TFF1: variants seen among roughly 807,000 people sequenced by gnomAD.
TFF1 encodes the protein breast cancer estrogen-inducible protein.
A neutral mutation model predicts 7.7 loss-of-function variants in TFF1; 8 were observed. That is an observed-to-expected ratio of 1.04 (90% CI 0.61 to 1.87). The LOEUF is 1.87. TFF1 is among the 40% of genes most tolerant of loss of function. The pLI is 0.00. For synonymous variants in TFF1, 47 were observed against 44.8 expected (o/e 1.05, Z -0.19); for missense variants, 120 against 113.4 (o/e 1.06, Z -0.26).
intron 2 of TFF1, 133 bp downstream of exon 2, chr21:42,363,122 A>C (rs550608379): frequency 8.5e-7 from 1 of 1,182,714 alleles, no homozygotes; most frequent in Admixed American, 2.2e-5. Context: ...AGGCTACCCC[A>C]TTGCACCACC....
intron 2 of TFF1, among the ~76,000 whole-genome samples, chr21:42,362,881 A>G (rs2052249348): frequency 6.7e-6 from 1 of 149,240 alleles, no homozygotes; most frequent in Non-Finnish European, 1.5e-5. Context: ...CTCAGGGGCA[A>G]CGGAGCGAGA....
Position 42,362,404 on chromosome 21 carries a change from A to C in TFF1, c.*75T>G. ...GTCTGAGGTGTCCGGTGGAGGTGGC[A>C]GCCGAGCTCTGGGACTAATCACCGT... On this transcript the variant is annotated 3_prime_UTR_variant, in exon 3 of 3. Transcript: ENST00000291527. 6.5e-7 allele frequency: 1 copy of C among 1,527,258 alleles called. No individual in the cohort carries two copies. The highest frequency in any genetic ancestry group is 2.5e-5 in the East Asian group (1 of 40,760). 94.6% of individuals were successfully genotyped at this position (1,527,258 alleles called of 1,614,324 possible).
At position 42,364,106 on chromosome 21, in the gene TFF1, C is replaced by CAAA. The variant is rs34872461; in HGVS notation, c.86-702_86-700dup. On this transcript the variant is annotated intron_variant, in intron 1 of 2. Transcript: ENST00000291527. ...TGAGTGACAGAGCAAGACTCCATCT[C>CAAA]AAAAAAAAAAAAAAAAGAGTCTAAG... Among the ~76,000 whole-genome samples the CAAA allele has an allele frequency of 8.2e-3, 920 of 112,784 alleles. 10 individuals are homozygous for CAAA. The highest frequency in any genetic ancestry group is 0.029 in the African/African-American group (880 of 30,780). 74.0% of individuals were successfully genotyped at this position (112,784 alleles called of 152,430 possible).
rs1192324357 is a variant in TFF1 at position 42,366,459 on chromosome 21, C to T, written c.37G>A (p.Val13Ile). 2 of 1,612,890 alleles carry T rather than the reference C, an allele frequency of 1.2e-6. No individual in the cohort carries two copies. The highest frequency in any genetic ancestry group is 1.7e-5 in the Admixed American group (1 of 59,996). Reference sequence around the variant, plus strand: ...CCGAGGGCCAGCATGGACACCAGGACCAGGGCGCAGATCACCTTGTTCTCC... The same window carrying T: ...CCGAGGGCCAGCATGGACACCAGGATCAGGGCGCAGATCACCTTGTTCTCC... ...TMENKVICAL[V>I]LVSMLALGTL... The change falls in exon 1 of 3, where the codon GTC becomes ATC. Residue 13 changes from valine to isoleucine, a missense_variant. Coordinates refer to ENST00000291527, the MANE Select transcript of TFF1 (RefSeq NM_003225.3).
At position 42,363,361 on chromosome 21, in the gene TFF1, A is replaced by G. The variant is rs2052255253; in HGVS notation, c.132T>C (p.Pro44=). 6.2e-7 allele frequency: 1 copy of G among 1,614,210 alleles called. No individual in the cohort carries two copies. Among genetic ancestry groups the G allele is most frequent in the East Asian group, 2.2e-5 (1 of 44,890 alleles). Residue 44 remains proline (P), a synonymous_variant, in exon 2 of 3, where the codon CCT becomes CCC. Coordinates refer to ENST00000291527, the MANE Select transcript of TFF1 (RefSeq NM_003225.3). ...TTGCACACTGGGAGGGCGTGACACC[A>G]GGAAAACCACAATTCTGTCTTTCAC... ...APRERQNCGF[P]GVTPSQCANK...
At chr21:42,366,299 C>T (rs2052278613) in intron 1 of TFF1, 112 bp downstream of exon 1, 3 of 753,796 alleles carry the variant, frequency 4.0e-6, no homozygotes, top group Non-Finnish European at 2.1e-6. Flanking sequence ...GGGCCTAGAA[C>T]AGCACCTGGC....
At position 42,364,308 on chromosome 21, in the gene TFF1, A is replaced by G. The variant is rs547685848; in HGVS notation, c.86-901T>C. ...GTTCACCAGGTGAAGATGGAGCCGC[A>G]TGGGCAAAGGCCATTCCAGAGACCC... On this transcript the variant is annotated intron_variant, in intron 1 of 2. Transcript: ENST00000291527. Among the ~76,000 whole-genome samples the G allele has an allele frequency of 1.1e-4, 16 of 152,218 alleles. No individual in the cohort carries two copies. In the South Asian group the frequency reaches 3.3e-3, roughly 32 times the overall value.
rs189261484 is a variant in TFF1 at position 42,365,907 on chromosome 21, G to A, written c.85+504C>T. On this transcript the variant is annotated intron_variant, in intron 1 of 2. Transcript: ENST00000291527. Reference sequence around the variant, plus strand: ...TTTGACTCCCAGAGCATGGATCCCAGGGGAGCCCAGGAACCTGTAGGAGAG... The same window carrying A: ...TTTGACTCCCAGAGCATGGATCCCAAGGGAGCCCAGGAACCTGTAGGAGAG... Among the ~76,000 whole-genome samples, 26 of 152,312 alleles carry A rather than the reference G, an allele frequency of 1.7e-4. No homozygotes were observed. The East Asian group carries it at 5.0e-3, about 29-fold the overall frequency.
chr21:42,364,890 G>T (rs924538671), intron 1 of TFF1, among the ~76,000 whole-genome samples: 11 of 152,158 alleles, frequency 7.2e-5, no homozygotes, highest in African/African-American at 2.7e-4. Context: ...TGGATCCATC[G>T]CGACGTGAAG....
intron 1 of TFF1, among the ~76,000 whole-genome samples, chr21:42,364,039 A>C (rs1158203422): frequency 6.6e-6 from 1 of 151,554 alleles, no homozygotes; most frequent in Non-Finnish European, 1.5e-5. Context: ...CCCAGGAGGC[A>C]GAGGTTGTAG....
chr21:42,364,106 CAAAA>C (rs34872461), intron 1 of TFF1, among the ~76,000 whole-genome samples: 1 of 112,842 alleles, frequency 8.9e-6, no homozygotes. Flanking sequence ...GACTCCATCT[CAAAA>C]AAAAAAAAAA....
chr21:42,364,948 C>T (rs944689314), intron 1 of TFF1, among the ~76,000 whole-genome samples: 11 of 152,188 alleles, frequency 7.2e-5, no homozygotes, highest in East Asian at 1.9e-4. Flanking sequence ...AGAGAGGCCC[C>T]GTGGTGAGGG....
chr21:42,363,040 G>A (rs1294398076), intron 2 of TFF1, among the ~76,000 whole-genome samples: 3 of 152,104 alleles, frequency 2.0e-5, no homozygotes, highest in African/African-American at 7.2e-5. Flanking sequence ...GAGAAGCCGG[G>A]GGGAAATCAG....
chr21:42,366,077 G>C (rs2839488), intron 1 of TFF1, among the ~76,000 whole-genome samples: 58,826 of 151,944 alleles, frequency 0.39, 11,772 homozygotes, highest in East Asian at 0.68. Flanking sequence ...GGCATGAACA[G>C]TCAAAAGCAC....
chr21:42,362,503 G>A lies in TFF1; in HGVS notation c.239-8C>T, dbSNP rs760470908. On this transcript the variant is annotated splice_region_variant and splice_polypyrimidine_tract_variant and intron_variant, in intron 2 of 2. Transcript: ENST00000291527. ...TCTAAAATTCACACTCCTCTACAGG[G>A]GTGAGGGGGAGGGAGAAAGAGATGC... The A allele has an allele frequency of 7.6e-6, 12 of 1,580,274 alleles. No individual in the cohort carries two copies. The highest frequency in any genetic ancestry group is 1.0e-5 in the Non-Finnish European group (12 of 1,164,048).
At chr21:42,364,843 C>T (rs2052266794) in intron 1 of TFF1, among the ~76,000 whole-genome samples, 1 of 152,188 alleles carries the variant, frequency 6.6e-6, no homozygotes, top group African/African-American at 2.4e-5. Flanking sequence ...CTCCCGCTGC[C>T]CAGCAGCTTC....
Position 42,362,288 on chromosome 21 carries a change from T to C in TFF1, c.*191A>G. The stretch of plus-strand genomic sequence containing the variant: ...AAAGAATGAACAGCACAGATTAATA[T>C]CGATCTCTTTTAATTTTTAGGCCAA... On this transcript the variant is annotated 3_prime_UTR_variant, in exon 3 of 3. Coordinates refer to ENST00000291527, the MANE Select transcript of TFF1 (RefSeq NM_003225.3). 1 of 616,406 alleles carries C rather than the reference T, an allele frequency of 1.6e-6. No individual in the cohort carries two copies. Among genetic ancestry groups the C allele is most frequent in the African/African-American group, 1.9e-5 (1 of 52,282 alleles). The allele number at this position is 616,406 out of a possible 1,614,324, so 38.2% of individuals were successfully genotyped here. A position where few individuals can be genotyped will look rare whatever the true frequency, so the allele number is the denominator to read the frequency against.
chr21:42,362,500 A>T lies in TFF1; in HGVS notation c.239-5T>A, dbSNP rs774965123. 1.2e-5 allele frequency: 19 copies of T among 1,581,368 alleles called. No individual in the cohort carries two copies. Among genetic ancestry groups the T allele is most frequent in the Non-Finnish European group, 4.3e-6 (5 of 1,164,468 alleles). On this transcript the variant is annotated splice_region_variant and splice_polypyrimidine_tract_variant and intron_variant, in intron 2 of 2. Coordinates refer to ENST00000291527, the MANE Select transcript of TFF1 (RefSeq NM_003225.3). ...GTGTCTAAAATTCACACTCCTCTAC[A>T]GGGGTGAGGGGGAGGGAGAAAGAGA... is the stretch of plus-strand genomic sequence containing the variant.
chr21:42,363,451 T>C (rs1253428349), intron 1 of TFF1, 44 bp from the exon 2 acceptor site: 1 of 1,589,800 alleles, frequency 6.3e-7, no homozygotes, highest in African/African-American at 1.3e-5. Context: ...GTGGGCTGAA[T>C]TCCTTGATGT....
Sources: allele counts gnomAD v4.1 joint callset (sites outside exome capture counted in the v4.1 genomes callset), GRCh38; gene constraint gnomAD v4.1.1; transcripts MANE v1.5; gene names NCBI Gene and HGNC (gene_info 2026-07-23, HGNC 2026-07-21).